The following SYNDIG1 variants were observed in gnomAD, a reference collection of about 807,000 sequenced individuals.
SYNDIG1 encodes synapse differentiation-inducing gene protein 1.
SYNDIG1 carries 9 observed loss-of-function variants against 19.4 expected under a neutral mutation model. That is an observed-to-expected ratio of 0.46 (90% CI 0.28 to 0.81). The LOEUF (loss-of-function observed/expected upper bound fraction) is 0.81. SYNDIG1 is among the 30% of genes least tolerant of loss of function. The pLI, the probability that SYNDIG1 is intolerant of heterozygous loss-of-function variation, is 0.12. For synonymous variants in SYNDIG1, 141 were observed against 145.9 expected (o/e 0.97, Z 0.24); for missense variants, 311 against 343.3 (o/e 0.91, Z 0.74).
At chr20:24,475,175 A>G (rs554712515) in intron 1 of SYNDIG1, among the ~76,000 whole-genome samples, 1 of 152,314 alleles carries the variant, frequency 6.6e-6, no homozygotes, top group African/African-American at 2.4e-5. Context: ...TCTGAGATGC[A>G]GGAGTTTATT....
chr20:24,574,355 G>A (rs894826527), intron 2 of SYNDIG1, among the ~76,000 whole-genome samples: 9 of 151,848 alleles, frequency 5.9e-5, no homozygotes, highest in African/African-American at 2.2e-4. Flanking sequence ...CAGGCATGGC[G>A]GCATGCACCT....
chr20:24,574,566 T>C lies in SYNDIG1; in HGVS notation c.481-10290T>C, dbSNP rs541919198. 4.1e-4 allele frequency among the ~76,000 whole-genome samples: 63 copies of C among 152,324 alleles called. 1 individual carries two copies. The highest frequency in any genetic ancestry group is 3.4e-3 in the Admixed American group (52 of 15,304). Reference sequence around the variant, plus strand: ...TGCTAAAGCTGCCCTCCCAGGCCACTGAGCACTTCCAGGCCACAGGAAGAA... The same window carrying C: ...TGCTAAAGCTGCCCTCCCAGGCCACCGAGCACTTCCAGGCCACAGGAAGAA... On this transcript the variant is annotated intron_variant, in intron 2 of 3. Coordinates refer to ENST00000376862, the MANE Select transcript of SYNDIG1 (RefSeq NM_024893.3).
chr20:24,597,736 G>A (rs1002998783), intron 3 of SYNDIG1, among the ~76,000 whole-genome samples: 2 of 152,204 alleles, frequency 1.3e-5, no homozygotes, highest in African/African-American at 4.8e-5. Context: ...GAAAGGAGGT[G>A]TGGAAGGAGG....
intron 3 of SYNDIG1, among the ~76,000 whole-genome samples, chr20:24,602,728 A>G (rs906901960): frequency 2.6e-5 from 4 of 152,106 alleles, no homozygotes; most frequent in African/African-American, 9.7e-5. Flanking sequence ...ATTTTCTTTA[A>G]TGTTTCTTTA....
intron 1 of SYNDIG1, among the ~76,000 whole-genome samples, chr20:24,516,379 A>G (rs976082258): frequency 9.9e-5 from 15 of 152,212 alleles, no homozygotes; most frequent in African/African-American, 3.6e-4. Context: ...AGAAACTACC[A>G]TCAGAGTGAA....
Position 24,664,663 on chromosome 20 carries a change from C to A in SYNDIG1, c.619-683C>A, listed in dbSNP as rs113243640. 3.1e-3 allele frequency among the ~76,000 whole-genome samples: 474 copies of A among 152,270 alleles called. 1 individual carries two copies. The highest frequency in any genetic ancestry group is 5.1e-3 in the Non-Finnish European group (344 of 68,028). ...ACACCTGGTCATGTCATTGAGCACT[C>A]AGGAATATAGGTGTTAGTTTTGTAT... On this transcript the variant is annotated intron_variant, in intron 3 of 3. Transcript: ENST00000376862.
At chr20:24,498,837 T>G (rs977911165) in intron 1 of SYNDIG1, among the ~76,000 whole-genome samples, 7 of 152,190 alleles carry the variant, frequency 4.6e-5, no homozygotes, top group Non-Finnish European at 1.0e-4. Context: ...TTAGGCTGCT[T>G]CCATGCCTTG....
intron 3 of SYNDIG1, among the ~76,000 whole-genome samples, chr20:24,610,305 T>C (rs1360965056): frequency 6.6e-6 from 1 of 152,252 alleles, no homozygotes; most frequent in African/African-American, 2.4e-5. Context: ...TTTGCATTCC[T>C]TTGGGAATGT....
intron 1 of SYNDIG1, among the ~76,000 whole-genome samples, chr20:24,496,284 G>A (rs565517150): frequency 3.4e-4 from 52 of 152,282 alleles, no homozygotes; most frequent in Admixed American, 2.6e-4. Context: ...TGATGGGACC[G>A]CACTGAATCT....
intron 3 of SYNDIG1, among the ~76,000 whole-genome samples, chr20:24,599,401 A>G (rs1465449398): frequency 5.3e-5 from 8 of 152,244 alleles, no homozygotes; most frequent in Admixed American, 2.0e-4. Context: ...GCAAACTAGT[A>G]CAACCATTAT....
chr20:24,536,433 C>T (rs1568620256), intron 1 of SYNDIG1, among the ~76,000 whole-genome samples: 1 of 152,162 alleles, frequency 6.6e-6, no homozygotes, highest in African/African-American at 2.4e-5. Context: ...CCACCCCATT[C>T]AGGAGACCCG....
In SYNDIG1 at chr20:24,666,541, C is replaced by A. The variant is rs959761242; in HGVS notation, c.*1037C>A. 6.6e-6 allele frequency: 1 copy of A among 152,642 alleles called. No homozygotes were observed. The highest frequency in any genetic ancestry group is 2.4e-5 in the African/African-American group (1 of 41,448). The allele number at this position is 152,642 out of a possible 1,614,324, so 9.5% of individuals were successfully genotyped here. On this transcript the variant is annotated 3_prime_UTR_variant, in exon 4 of 4. Transcript: ENST00000376862. The stretch of plus-strand genomic sequence containing the variant: ...CAGACATTTTAATACCATTTCATTG[C>A]TGTTTTACGAGTGTTCATTACTTAA...
intron 2 of SYNDIG1, among the ~76,000 whole-genome samples, chr20:24,569,001 C>G (rs6138327): frequency 0.028 from 4,287 of 152,290 alleles, 167 homozygotes; most frequent in East Asian, 0.17. Context: ...GCTAGCTCAT[C>G]ACGCCAACCT....
intron 1 of SYNDIG1, among the ~76,000 whole-genome samples, chr20:24,498,143 A>T (rs1005099988): frequency 5.3e-5 from 8 of 152,236 alleles, no homozygotes; most frequent in African/African-American, 1.9e-4. Context: ...TGACTGACAC[A>T]CAAAAAGCTG....
At chr20:24,587,014 CAGTA>C (rs1306999768) in intron 3 of SYNDIG1, among the ~76,000 whole-genome samples, 1 of 152,202 alleles carries the variant, frequency 6.6e-6, no homozygotes, top group Non-Finnish European at 1.5e-5. Flanking sequence ...ATTCTGAACA[CAGTA>C]AGAGCCTCTT....
At chr20:24,608,248 C>T (rs1484511122) in intron 3 of SYNDIG1, among the ~76,000 whole-genome samples, 3 of 151,572 alleles carry the variant, frequency 2.0e-5, no homozygotes, top group Non-Finnish European at 4.4e-5. Flanking sequence ...TGCAGTAGCG[C>T]AATCTCAGCT....
chr20:24,471,117 G>A (rs2055435631), intron 1 of SYNDIG1, among the ~76,000 whole-genome samples: 1 of 152,076 alleles, frequency 6.6e-6, no homozygotes, highest in South Asian at 2.1e-4. Context: ...GGTGGTGTGT[G>A]TGCTGCGTAG....
intron 1 of SYNDIG1, among the ~76,000 whole-genome samples, chr20:24,492,082 C>T (rs747425890): frequency 3.5e-4 from 53 of 152,226 alleles, no homozygotes; most frequent in Non-Finnish European, 5.1e-4. Flanking sequence ...AAGAGGCCCC[C>T]GGCCGGCTCC....
At chr20:24,478,497 G>A (rs12479668) in intron 1 of SYNDIG1, among the ~76,000 whole-genome samples, 7,234 of 152,288 alleles carry the variant, frequency 0.048, 242 homozygotes, top group Non-Finnish European at 0.072. Flanking sequence ...TTCAGGGCTT[G>A]CTTGCTTTTG....
Sources: allele counts gnomAD v4.1 joint callset (sites outside exome capture counted in the v4.1 genomes callset), GRCh38; gene constraint gnomAD v4.1.1; transcripts MANE v1.5; gene names NCBI Gene and HGNC (gene_info 2026-07-23, HGNC 2026-07-21).